The following PDZD2 variants were observed in gnomAD, a reference collection of about 807,000 sequenced individuals.
PDZD2 encodes PDZ domain containing 2.
A neutral mutation model predicts 220.7 loss-of-function variants in PDZD2; 90 were observed. The ratio of observed to expected loss-of-function variants is 0.41; its 90% CI spans 0.34 to 0.49. The LOEUF (loss-of-function observed/expected upper bound fraction) is 0.49. Among genes scored for constraint, PDZD2 ranks in the 20% least tolerant of loss-of-function variants. The pLI, the probability that PDZD2 is intolerant of heterozygous loss-of-function variation, is 0.28. For missense variants in PDZD2, 3,174 were observed against 3,608.5 expected (o/e 0.88, Z 3.08); for synonymous variants, 1,375 against 1,450.5 (o/e 0.95, Z 1.18).
At chr5:31,999,638 A>T (rs181454260) in intron 4 of PDZD2, among the ~76,000 whole-genome samples, 1 of 152,332 alleles carries the variant, frequency 6.6e-6, no homozygotes, top group East Asian at 1.9e-4. Context: ...TGTAGTGTGA[A>T]TCACAGGTGC....
chr5:31,836,900 C>T (rs997434547), intron 2 of PDZD2, among the ~76,000 whole-genome samples: 2 of 151,868 alleles, frequency 1.3e-5, no homozygotes, highest in Non-Finnish European at 2.9e-5. Context: ...TGCCTGTAAT[C>T]CCAGCTACTC....
intron 3 of PDZD2, among the ~76,000 whole-genome samples, chr5:31,987,441 A>T (rs941725842): frequency 1.7e-4 from 26 of 152,104 alleles, no homozygotes; most frequent in African/African-American, 6.3e-4. Flanking sequence ...GGAGCATCAC[A>T]CTCAGAACAT....
At chr5:31,797,404 G>A (rs925467801) in intron 1 of PDZD2, among the ~76,000 whole-genome samples, 1 of 152,016 alleles carries the variant, frequency 6.6e-6, no homozygotes, top group Admixed American at 6.6e-5. Context: ...TGAATATATT[G>A]ATGAATAAGA....
intron 2 of PDZD2, among the ~76,000 whole-genome samples, chr5:31,974,639 G>A (rs1470552542): frequency 6.6e-6 from 1 of 152,224 alleles, no homozygotes; most frequent in African/African-American, 2.4e-5. Context: ...ATTACTGACA[G>A]AAATAGCAGT....
At chr5:32,042,573 A>G (rs552718786) in intron 7 of PDZD2, among the ~76,000 whole-genome samples, 1 of 152,248 alleles carries the variant, frequency 6.6e-6, no homozygotes, top group South Asian at 2.1e-4. Context: ...CTCCATCTTA[A>G]AAAGAAAAAG....
intron 2 of PDZD2, among the ~76,000 whole-genome samples, chr5:31,968,661 AC>A (rs1224197658): frequency 6.7e-6 from 1 of 148,672 alleles, no homozygotes. Context: ...GTCTCAAAAA[AC>A]AAACAAACAA....
At chr5:31,902,923 T>G (rs1742232523) in intron 2 of PDZD2, among the ~76,000 whole-genome samples, 1 of 151,892 alleles carries the variant, frequency 6.6e-6, no homozygotes, top group South Asian at 2.1e-4. Flanking sequence ...CATGTCAATT[T>G]CTCATTGTTC....
intron 24 of PDZD2, among the ~76,000 whole-genome samples, chr5:32,104,355 A>G (rs1744531042): frequency 6.6e-6 from 1 of 151,652 alleles, no homozygotes. Flanking sequence ...CATTTGAATA[A>G]TAAAGAATTT....
intron 1 of PDZD2, among the ~76,000 whole-genome samples, chr5:31,797,892 T>C (rs777563605): frequency 1.3e-5 from 2 of 152,118 alleles, no homozygotes; most frequent in Non-Finnish European, 1.5e-5. Context: ...GATGGCACGG[T>C]TTATATTGAT....
intron 2 of PDZD2, among the ~76,000 whole-genome samples, chr5:31,965,741 CA>C (rs1748683574): frequency 1.3e-5 from 2 of 151,962 alleles, no homozygotes; most frequent in African/African-American, 2.4e-5. Flanking sequence ...CTAAAAAATA[CA>C]AAAAATTAGC....
Position 32,087,016 on chromosome 5 carries a change from T to G in PDZD2, c.3683-115T>G. ...CTGAAAAAGAAAAAAATATTTGAGG[T>G]TGTTTATAATTTTCTAGTTTTTAAT... is the stretch of plus-strand genomic sequence containing the variant. On this transcript the variant is annotated intron_variant, in intron 19 of 24. Transcript: ENST00000438447. The surrounding 1 kb of genome is among the most constrained non-coding windows in gnomAD (Gnocchi z 4.0). 9.3e-6 allele frequency: 6 copies of G among 648,052 alleles called. No homozygotes were observed. Among genetic ancestry groups the G allele is most frequent in the Non-Finnish European group, 8.1e-6 (3 of 370,174 alleles). 40.1% of individuals were successfully genotyped at this position (648,052 alleles called of 1,614,324 possible).
chr5:31,980,403 G>A (rs1442491381), intron 2 of PDZD2, among the ~76,000 whole-genome samples: 1 of 152,122 alleles, frequency 6.6e-6, no homozygotes, highest in Non-Finnish European at 1.5e-5. Context: ...CCATTATATG[G>A]ATATATCAAC....
At chr5:32,102,183 A>G (rs1245548677) in intron 24 of PDZD2, among the ~76,000 whole-genome samples, 1 of 152,104 alleles carries the variant, frequency 6.6e-6, no homozygotes, top group Admixed American at 6.5e-5. Context: ...GTGGAAATGA[A>G]GCCTCTGTGG....
chr5:31,640,852 T>G (rs1744922239), intron 1 of PDZD2, among the ~76,000 whole-genome samples: 1 of 148,482 alleles, frequency 6.7e-6, no homozygotes, highest in Non-Finnish European at 1.5e-5. Flanking sequence ...TGTGAGTGAG[T>G]GTGTGTGTTG....
chr5:31,897,182 T>C (rs941482412), intron 2 of PDZD2, among the ~76,000 whole-genome samples: 2 of 152,214 alleles, frequency 1.3e-5, no homozygotes, highest in African/African-American at 2.4e-5. Context: ...AAAAATACTT[T>C]TTGAATTAGC....
At chr5:31,845,685 C>T (rs1757545535) in intron 2 of PDZD2, among the ~76,000 whole-genome samples, 1 of 152,188 alleles carries the variant, frequency 6.6e-6, no homozygotes. Flanking sequence ...AGATCCAGCT[C>T]CTCTACTTAT....
At chr5:31,808,437 C>T (rs1754871349) in intron 2 of PDZD2, among the ~76,000 whole-genome samples, 1 of 152,174 alleles carries the variant, frequency 6.6e-6, no homozygotes, top group Non-Finnish European at 1.5e-5. Context: ...GCATTACGGA[C>T]TGTTTGTTCG....
chr5:31,961,296 C>T (rs991828055), intron 2 of PDZD2, among the ~76,000 whole-genome samples: 2 of 149,460 alleles, frequency 1.3e-5, no homozygotes, highest in Admixed American at 6.8e-5. Flanking sequence ...TTTGGGAGGC[C>T]GAGGCTGGCA....
chr5:31,926,542 A>G (rs1276577826), intron 2 of PDZD2, among the ~76,000 whole-genome samples: 13 of 150,634 alleles, frequency 8.6e-5, no homozygotes, highest in East Asian at 1.9e-4. Flanking sequence ...AAAAAAAAAA[A>G]AAAGAAAATT....
Sources: allele counts gnomAD v4.1 joint callset (sites outside exome capture counted in the v4.1 genomes callset), GRCh38; gene constraint gnomAD v4.1.1; non-coding constraint Gnocchi (gnomAD v3.1); transcripts MANE v1.5; gene names NCBI Gene and HGNC (gene_info 2026-07-23, HGNC 2026-07-21).